DNASE1L3: variants seen among roughly 807,000 people sequenced by gnomAD.
DNASE1L3 encodes the protein deoxyribonuclease gamma.
In DNASE1L3, 27 loss-of-function variants were observed where a neutral mutation model predicts 30.9. The observed-to-expected ratio is 0.87, with a 90% CI of 0.64 to 1.20. The LOEUF is 1.20. DNASE1L3 is among the 50% of genes most tolerant of loss of function. DNASE1L3 has a pLI of 0.00. For synonymous variants in DNASE1L3, 135 were observed against 138.0 expected (o/e 0.98, Z 0.15); for missense variants, 364 against 378.2 (o/e 0.96, Z 0.31).
intron 2 of DNASE1L3, among the ~76,000 whole-genome samples, chr3:58,206,325 A>G (rs1283267699): frequency 6.6e-6 from 1 of 152,172 alleles, no homozygotes. Flanking sequence ...ATTCAGTTGG[A>G]AAAAAAGCAG....
chr3:58,194,519 C>G (rs993080729), intron 6 of DNASE1L3, among the ~76,000 whole-genome samples: 16 of 145,926 alleles, frequency 1.1e-4, no homozygotes, highest in Non-Finnish European at 7.5e-5. Flanking sequence ...GGGGTTTATC[C>G]CTGTTGGCCA....
intron 7 of DNASE1L3, 123 bp downstream of exon 7, chr3:58,193,220 G>T (rs989122124): frequency 6.9e-7 from 1 of 1,438,938 alleles, no homozygotes; most frequent in Non-Finnish European, 9.4e-7. Context: ...GGGACCATAG[G>T]CATGCATCAC....
rs1406211163 is a variant in DNASE1L3, at chr3:58,197,791, G to T, written c.704+30C>A. 5 of 1,612,646 alleles carry T rather than the reference G, an allele frequency of 3.1e-6. No homozygotes were observed. Among genetic ancestry groups the T allele is most frequent in the Non-Finnish European group, 3.4e-6 (4 of 1,179,900 alleles). On this transcript the variant is annotated intron_variant, in intron 6 of 7. Transcript: ENST00000394549. The surrounding 1 kb of genome is among the most constrained non-coding windows in gnomAD (Gnocchi z 5.3). ...CCTAGTGCACACCAAGCACTGTGGT[G>T]AGCCAGCAGCACCCTGCAGGGCCTC...
intron 4 of DNASE1L3, among the ~76,000 whole-genome samples, chr3:58,203,175 G>A (rs2097401879): frequency 6.6e-6 from 1 of 152,186 alleles, no homozygotes; most frequent in Admixed American, 6.5e-5. Context: ...GTCACACAGA[G>A]AGGAGCCAGA....
chr3:58,206,160 G>T (rs905273121), intron 2 of DNASE1L3, among the ~76,000 whole-genome samples: 7 of 152,138 alleles, frequency 4.6e-5, no homozygotes, highest in Admixed American at 2.0e-4. Context: ...AAGTCCCATT[G>T]ACCTTGCCCC....
intron 4 of DNASE1L3, among the ~76,000 whole-genome samples, chr3:58,201,994 T>C (rs933380762): frequency 2.6e-5 from 4 of 152,214 alleles, no homozygotes; most frequent in Non-Finnish European, 5.9e-5. Context: ...CATGCTGGCA[T>C]TGTGAGTGCT....
At chr3:58,207,225 G>C (rs923242222) in intron 2 of DNASE1L3, among the ~76,000 whole-genome samples, 2 of 152,110 alleles carry the variant, frequency 1.3e-5, no homozygotes, top group Non-Finnish European at 2.9e-5. Context: ...ACAAAAATTA[G>C]CTAGGCATAG....
chr3:58,202,378 C>T (rs1283107909), intron 4 of DNASE1L3, among the ~76,000 whole-genome samples: 1 of 127,550 alleles, frequency 7.8e-6, no homozygotes, highest in Non-Finnish European at 1.6e-5. Flanking sequence ...GGTCAGGCTG[C>T]TCTCAAACTC....
At position 58,192,907 on chromosome 3, in the gene DNASE1L3, G is replaced by A. The variant is rs2097395075; in HGVS notation, c.802-104C>T. ...TAGGACCAGGGAGGGGAGAGGAAAT[G>A]CCCGAAGTCACCCCACAGAACACTT... On this transcript the variant is annotated intron_variant, in intron 7 of 7. Coordinates refer to ENST00000394549, the MANE Select transcript of DNASE1L3 (RefSeq NM_004944.4). This position sits in a 1 kb window ranked among gnomAD's most constrained non-coding sequence, Gnocchi z 4.8. 2 of 1,523,012 alleles carry A rather than the reference G, an allele frequency of 1.3e-6. No individual in the cohort carries two copies. Among genetic ancestry groups the A allele is most frequent in the Non-Finnish European group, 1.8e-6 (2 of 1,142,042 alleles). 94.3% of individuals were successfully genotyped at this position (1,523,012 alleles called of 1,614,324 possible).
At chr3:58,208,044 A>T (rs1159046167) in intron 2 of DNASE1L3, 174 bp downstream of exon 2, 2 of 544,454 alleles carry the variant, frequency 3.7e-6, no homozygotes, top group Non-Finnish European at 6.5e-6. Flanking sequence ...CAGTAAAATC[A>T]ACTGGTTGAA....
chr3:58,207,441 ACCCCC>A lies in DNASE1L3; in HGVS notation c.230+772_230+776del, dbSNP rs751811685. 5.0e-4 allele frequency among the ~76,000 whole-genome samples: 17 copies of A among 33,818 alleles called. No homozygotes were observed. In the South Asian group the frequency reaches 7.2e-3, roughly 14 times the overall value. The allele number at this position is 33,818 out of a possible 152,430, so 22.2% of individuals were successfully genotyped here. ...CCTTTCACCACAGCTCTCTGATCAC[ACCCCC>A]CCCCCCCCCACCAGAAGTAACCACT... is the stretch of plus-strand genomic sequence containing the variant. On this transcript the variant is annotated intron_variant, in intron 2 of 7. Coordinates refer to ENST00000394549, the MANE Select transcript of DNASE1L3 (RefSeq NM_004944.4).
intron 4 of DNASE1L3, among the ~76,000 whole-genome samples, chr3:58,203,790 G>T (rs942606736): frequency 6.6e-6 from 1 of 151,950 alleles, no homozygotes; most frequent in Non-Finnish European, 1.5e-5. Flanking sequence ...ACAGAGCAAG[G>T]CCCTATCTCA....
rs2097398332 is a variant in DNASE1L3 at position 58,197,875 on chromosome 3, A to C, written c.650T>G (p.Ile217Ser). 6.2e-7 allele frequency: 1 copy of C among 1,614,040 alleles called. No homozygotes were observed. The highest frequency in any genetic ancestry group is 8.5e-7 in the Non-Finnish European group (1 of 1,180,040). Residue 217 changes from isoleucine to serine, a missense_variant, in exon 6 of 8, where the codon ATC (isoleucine) becomes AGC (serine). Physicochemically the swap from Ile to Ser is moderately radical, Grantham distance 142 (BLOSUM62 -2). Transcript: ENST00000394549. The surrounding 1 kb of genome is among the most constrained non-coding windows in gnomAD (Gnocchi z 5.3). ...LRTDPRFVWL[I>S]GDQEDTTVKK... ...CACCGTGGTGTCCTCTTGGTCCCCG[A>C]TCAGCCAAACAAACCTGGGGTCAGT...
chr3:58,207,400 C>A (rs1001850381), intron 2 of DNASE1L3, among the ~76,000 whole-genome samples: 1 of 150,622 alleles, frequency 6.6e-6, no homozygotes, highest in African/African-American at 2.4e-5. Context: ...AAGTGCCCCT[C>A]ACTCCTTCAC....
intron 1 of DNASE1L3, among the ~76,000 whole-genome samples, chr3:58,209,427 C>A (rs981989801): frequency 6.6e-6 from 1 of 152,204 alleles, no homozygotes; most frequent in Non-Finnish European, 1.5e-5. Flanking sequence ...AAAATCATTG[C>A]CTTGCATGTC....
chr3:58,206,678 G>A (rs1559759010), intron 2 of DNASE1L3, among the ~76,000 whole-genome samples: 1 of 152,140 alleles, frequency 6.6e-6, no homozygotes, highest in South Asian at 2.1e-4. Context: ...GACTGACTGT[G>A]GAGGAGATGA....
rs556494514 is a variant in DNASE1L3, at chr3:58,197,857, G to T, written c.668C>A (p.Thr223Asn). 6.2e-7 allele frequency: 1 copy of T among 1,614,058 alleles called. No homozygotes were observed. Reference protein sequence around the residue: ...FVWLIGDQEDTTVKKSTNCAY... With the variant: ...FVWLIGDQEDNTVKKSTNCAY... ...ACAGTTGGTGCTCTTCTTCACCGTG[G>T]TGTCCTCTTGGTCCCCGATCAGCCA... Residue 223 changes from threonine to asparagine, a missense_variant, in exon 6 of 8, where the codon ACC becomes AAC. Transcript: ENST00000394549. This position sits in a 1 kb window ranked among gnomAD's most constrained non-coding sequence, Gnocchi z 5.3.
intron 4 of DNASE1L3, 116 bp from the exon 5 acceptor site, chr3:58,201,225 C>G (rs1029622134): frequency 1.5e-6 from 1 of 678,962 alleles, no homozygotes; most frequent in African/African-American, 1.8e-5. Context: ...TATCTGGGTC[C>G]CCAGTTCCCA....
rs1315957913 is a variant in DNASE1L3, at chr3:58,200,218, G to C, written c.546+779C>G. Among the ~76,000 whole-genome samples, 1 of 152,122 alleles carries C rather than the reference G, an allele frequency of 6.6e-6. No individual in the cohort carries two copies. Among genetic ancestry groups the C allele is most frequent in the Non-Finnish European group, 1.5e-5 (1 of 68,032 alleles). ...CAAACTGAGTTTGGGGTGGAGCTGG[G>C]GTGGACACAGATTTAGTCAATCAGA... On this transcript the variant is annotated intron_variant, in intron 5 of 7. Coordinates refer to ENST00000394549, the MANE Select transcript of DNASE1L3 (RefSeq NM_004944.4). This position sits in a 1 kb window ranked among gnomAD's most constrained non-coding sequence, Gnocchi z 4.2.
Sources: gnomAD v4.1 joint callset for allele counts (sites outside exome capture counted in the v4.1 genomes callset) on GRCh38, gnomAD v4.1.1 for gene constraint, Gnocchi (gnomAD v3.1) non-coding constraint, MANE v1.5 for transcripts, NCBI Gene and HGNC (gene_info 2026-07-23, HGNC 2026-07-21) for gene names.